Variants in SUGP1 observed in about 807,000 individuals in gnomAD.
The protein encoded by SUGP1 is SURP and G-patch domain containing 1.
A neutral mutation model predicts 76.5 loss-of-function variants in SUGP1; 34 were observed. The observed-to-expected ratio is 0.44, with a 90% CI of 0.34 to 0.59. The LOEUF (loss-of-function observed/expected upper bound fraction) is 0.59, where lower values mean the gene tolerates loss of function less well. Ranked by LOEUF, SUGP1 falls within the 20% of genes least tolerant of loss-of-function variation. The pLI, the probability that SUGP1 is intolerant of heterozygous loss-of-function variation, is 0.01. For synonymous variants in SUGP1, 326 were observed against 326.2 expected, an observed-to-expected ratio of 1.00 and a Z score of 0.01; for missense variants, 752 against 851.7, an observed-to-expected ratio of 0.88 and a Z score of 1.46.
intron 1 of SUGP1, among the ~76,000 whole-genome samples, chr19:19,318,906 C>A (rs1449468665): frequency 1.3e-5 from 2 of 152,120 alleles, no homozygotes; most frequent in Non-Finnish European, 2.9e-5. Flanking sequence ...CCCCATGGGA[C>A]TCAGAATAAA....
chr19:19,303,229 GCCTCAACCACCGGTGCCA>G (rs2061285525), intron 6 of SUGP1, 101 bp downstream of exon 6: 1 of 797,886 alleles, frequency 1.3e-6, no homozygotes, highest in Admixed American at 2.1e-5. Flanking sequence ...GAGAATACAG[GCCTCAACCACCGGTGCCA>G]CACAGTGCCA....
intron 1 of SUGP1, among the ~76,000 whole-genome samples, chr19:19,320,054 G>C (rs554658089): frequency 6.6e-6 from 1 of 152,318 alleles, no homozygotes; most frequent in African/African-American, 2.4e-5. Flanking sequence ...AGTGTGTCAA[G>C]GGAGCCTCAA....
intron 8 of SUGP1, among the ~76,000 whole-genome samples, chr19:19,287,336 G>A (rs1464814622): frequency 6.6e-6 from 1 of 152,074 alleles, no homozygotes; most frequent in Admixed American, 6.6e-5. Flanking sequence ...TGAGGTGGGC[G>A]GATCACTTGA....
rs970788460 is a variant in SUGP1 at position 19,276,446 on chromosome 19, C to T, written c.*202G>A. 1 of 618,624 alleles carries T rather than the reference C, an allele frequency of 1.6e-6. No individual in the cohort carries two copies. The highest frequency in any genetic ancestry group is 1.8e-5 in the African/African-American group (1 of 54,304). 38.3% of individuals were successfully genotyped at this position (618,624 alleles called of 1,614,324 possible). A position where few individuals can be genotyped will look rare whatever the true frequency, so the allele number is the denominator to read the frequency against. On this transcript the variant is annotated 3_prime_UTR_variant, in exon 14 of 14. Coordinates refer to ENST00000247001, the MANE Select transcript of SUGP1 (RefSeq NM_172231.4). ...AGACTCCACAGGCCAATAAGGAGAG[C>T]CCCGAGACAGCATCTTGCATCCCGC...
intron 8 of SUGP1, among the ~76,000 whole-genome samples, chr19:19,293,111 T>C (rs1456219120): frequency 1.3e-5 from 2 of 149,368 alleles, no homozygotes; most frequent in East Asian, 2.1e-4. Context: ...GGTTTCACCA[T>C]GTTGGCCAGG....
In SUGP1 at chr19:19,297,207, G is replaced by A; in HGVS notation, c.1025C>T (p.Ala342Val). Residue 342 changes from alanine (A) to valine (V), a missense_variant, in exon 8 of 14, where the codon GCC becomes GTC. Ala to Val is a moderately conservative substitution (Grantham distance 64). Around this residue, in one of 2 missense-constraint regions of SUGP1, gnomAD observed 620 missense variants for 617.3 expected, o/e 1.00. Transcript: ENST00000247001. ...PGLKRKSPPE[A>V]LSGSLPPATT... ...GGCTGGGGGTAAGGACCCTGACAGG[G>A]CCTCAGGAGGGGACTTGCGCTTCAG... is the stretch of plus-strand genomic sequence containing the variant. The A allele has an allele frequency of 6.2e-7, 1 of 1,603,892 alleles. No homozygotes were observed. The highest frequency in any genetic ancestry group is 8.5e-7 in the Non-Finnish European group (1 of 1,172,104).
intron 4 of SUGP1, among the ~76,000 whole-genome samples, chr19:19,305,370 G>A (rs1055834507): frequency 6.6e-6 from 1 of 152,180 alleles, no homozygotes; most frequent in African/African-American, 2.4e-5. Context: ...CGTGACCAGT[G>A]ACCGTCCTTT....
chr19:19,303,226 C>G, intron 6 of SUGP1, 122 bp downstream of exon 6: 2 of 771,656 alleles, frequency 2.6e-6, no homozygotes, highest in South Asian at 1.6e-5. Flanking sequence ...TGGGAGAATA[C>G]AGGCCTCAAC....
At chr19:19,315,302 T>C (rs551859047) in intron 2 of SUGP1, among the ~76,000 whole-genome samples, 66 of 151,208 alleles carry the variant, frequency 4.4e-4, no homozygotes, top group Non-Finnish European at 8.6e-4. Context: ...CACTCCGGCC[T>C]GGGTGACAGA....
At chr19:19,303,140 T>C (rs988597791) in intron 6 of SUGP1, among the ~76,000 whole-genome samples, 4 of 152,124 alleles carry the variant, frequency 2.6e-5, no homozygotes, top group African/African-American at 9.7e-5. Context: ...GGCCTGACAC[T>C]CAGGCTTCAC....
chr19:19,284,880 T>C (rs1351186238), intron 8 of SUGP1, among the ~76,000 whole-genome samples: 5 of 151,842 alleles, frequency 3.3e-5, no homozygotes, highest in Admixed American at 3.3e-4. Flanking sequence ...GGTTTGTTTT[T>C]TTTTTTTTTT....
chr19:19,308,102 C>T (rs573125015), intron 3 of SUGP1, among the ~76,000 whole-genome samples: 2 of 152,266 alleles, frequency 1.3e-5, no homozygotes, highest in East Asian at 3.9e-4. Flanking sequence ...GATCTCCACT[C>T]ACTGCTACCT....
chr19:19,312,493 G>C (rs1283196583), intron 2 of SUGP1, among the ~76,000 whole-genome samples: 9 of 152,082 alleles, frequency 5.9e-5, no homozygotes, highest in Non-Finnish European at 1.2e-4. Context: ...GTACCCAATG[G>C]TGCAAAAAGC....
In SUGP1 at chr19:19,297,261, G is replaced by A. The variant is rs144902507; in HGVS notation, c.971C>T (p.Thr324Ile). The A allele has an allele frequency of 2.5e-6, 4 of 1,576,570 alleles. No individual in the cohort carries two copies. Among genetic ancestry groups the A allele is most frequent in the South Asian group, 2.3e-5 (2 of 87,016 alleles). ...GGGATCAGGTGCTGTGAAGCTGCCT[G>A]TGGAGCTGGCCTTGGCTTTCCGGAA... Reference protein sequence around the residue: ...EEFRKAKASSTGSFTAPDPGL... With the variant: ...EEFRKAKASSIGSFTAPDPGL... The change falls in exon 8 of 14, where the codon ACA (threonine) becomes ATA (isoleucine). Residue 324 changes from threonine (T) to isoleucine (I), a missense_variant. Coordinates refer to ENST00000247001, the MANE Select transcript of SUGP1 (RefSeq NM_172231.4).
intron 11 of SUGP1, among the ~76,000 whole-genome samples, chr19:19,278,414 C>G (rs1288243445): frequency 6.6e-6 from 1 of 152,200 alleles, no homozygotes; most frequent in African/African-American, 2.4e-5. Flanking sequence ...GCCGGAGAAA[C>G]ACTTTGCCTG....
chr19:19,298,659 G>A (rs1457920257), intron 7 of SUGP1, among the ~76,000 whole-genome samples: 1 of 152,206 alleles, frequency 6.6e-6, no homozygotes, highest in African/African-American at 2.4e-5. Flanking sequence ...CATGGTACAC[G>A]TGTGACCCAG....
intron 8 of SUGP1, among the ~76,000 whole-genome samples, chr19:19,287,537 G>A (rs994831737): frequency 2.0e-5 from 3 of 152,078 alleles, no homozygotes; most frequent in Admixed American, 1.3e-4. Flanking sequence ...ACTCTAGCCT[G>A]GGCAACACAC....
chr19:19,287,064 C>T (rs907987699), intron 8 of SUGP1, among the ~76,000 whole-genome samples: 12 of 152,152 alleles, frequency 7.9e-5, no homozygotes, highest in Non-Finnish European at 1.8e-4. Flanking sequence ...CATTTGAGGT[C>T]AGGAGTAAGA....
chr19:19,307,752 C>G (rs111285846), intron 3 of SUGP1, among the ~76,000 whole-genome samples: 1 of 151,648 alleles, frequency 6.6e-6, no homozygotes. Context: ...GAGCTGGTTG[C>G]CTCCCAGGTT....
Sources: gnomAD v4.1 joint callset for allele counts (sites outside exome capture counted in the v4.1 genomes callset) on GRCh38, gnomAD v4.1.1 for gene constraint, gnomAD v4.1.1 regional missense constraint, MANE v1.5 for transcripts, NCBI Gene and HGNC (gene_info 2026-07-23, HGNC 2026-07-21) for gene names.